The following TENM3 variants were observed in gnomAD, a reference collection of about 807,000 sequenced individuals.
TENM3 encodes teneurin-3.
Under a neutral mutation model 255.1 loss-of-function variants are expected in TENM3, and 63 were observed. That is an observed-to-expected ratio of 0.25 (90% confidence interval 0.20 to 0.30). The LOEUF is 0.30. TENM3 is among the 10% of genes least tolerant of loss of function. The pLI, the probability that TENM3 is intolerant of heterozygous loss-of-function variation, is 1.00. For synonymous variants in TENM3, 1,306 were observed against 1,322.3 expected (o/e 0.99, Z 0.27); for missense variants, 2,929 against 3,461.1 (o/e 0.85, Z 3.86).
At chr4:182,125,769 T>C in the TENM3 span, among the ~76,000 whole-genome samples, 1 of 36,846 alleles carries the variant, frequency 2.7e-5, no homozygotes, top group Non-Finnish European at 4.8e-5. Flanking sequence ...TTTCCTTGCC[T>C]TTTTTTTTTT....
intron 3 of TENM3, among the ~76,000 whole-genome samples, chr4:182,356,444 G>C (rs768352923): frequency 2.6e-5 from 4 of 152,148 alleles, no homozygotes; most frequent in African/African-American, 7.2e-5. Flanking sequence ...AGCAACTGGA[G>C]ATTATTCTCT....
chr4:182,145,828 A>G (rs1749925878), intron 1 of TENM3, among the ~76,000 whole-genome samples: 1 of 152,208 alleles, frequency 6.6e-6, no homozygotes, highest in South Asian at 2.1e-4. Context: ...TCTTCTGACA[A>G]TGTATTTTGT....
At chr4:182,769,779 G>A (rs1443426214) in intron 22 of TENM3, among the ~76,000 whole-genome samples, 1 of 146,676 alleles carries the variant, frequency 6.8e-6, no homozygotes, top group African/African-American at 2.6e-5. Context: ...GCAAGACTCT[G>A]TCTCAAAAAA....
intron 5 of TENM3, among the ~76,000 whole-genome samples, chr4:182,634,900 A>G (rs940943725): frequency 6.6e-6 from 1 of 152,188 alleles, no homozygotes; most frequent in Admixed American, 6.5e-5. Flanking sequence ...TGTTATACAC[A>G]TAGAAAAATG....
chr4:182,765,692 G>A (rs952246577), intron 22 of TENM3, among the ~76,000 whole-genome samples: 7 of 152,048 alleles, frequency 4.6e-5, no homozygotes, highest in African/African-American at 7.2e-5. Context: ...GGTTCCGGTC[G>A]CGATTGTGTC....
At chr4:181,890,555 G>T in the TENM3 span, among the ~76,000 whole-genome samples, 2 of 152,044 alleles carry the variant, frequency 1.3e-5, no homozygotes, top group African/African-American at 4.8e-5. Context: ...AATATTCATT[G>T]TGGGCTTTTA....
chr4:182,406,713 G>A (rs971558948), intron 3 of TENM3, among the ~76,000 whole-genome samples: 3 of 152,110 alleles, frequency 2.0e-5, no homozygotes, highest in Non-Finnish European at 4.4e-5. Context: ...ACTCCTTCAC[G>A]TGTATCTGCT....
chr4:182,436,335 C>T (rs28469061), intron 3 of TENM3, among the ~76,000 whole-genome samples: 2,639 of 152,260 alleles, frequency 0.017, 80 homozygotes, highest in African/African-American at 0.059. Context: ...GGATTCACAA[C>T]GACTGCAGCT....
intron 3 of TENM3, among the ~76,000 whole-genome samples, chr4:182,383,096 C>G (rs138158134): frequency 6.6e-6 from 1 of 152,074 alleles, no homozygotes; most frequent in Non-Finnish European, 1.5e-5. Flanking sequence ...AATTATGGAA[C>G]GAGTGGGGAT....
At chr4:182,713,961 A>G (rs1758949638) in intron 12 of TENM3, 126 bp from the exon 13 acceptor site, 1 of 709,102 alleles carries the variant, frequency 1.4e-6, no homozygotes, top group Non-Finnish European at 2.4e-6. Flanking sequence ...GTTTCTATCC[A>G]TGTGCAATTA....
intron 1 of TENM3, among the ~76,000 whole-genome samples, chr4:182,285,820 T>C (rs900535031): frequency 6.6e-5 from 10 of 151,762 alleles, no homozygotes; most frequent in Non-Finnish European, 4.4e-5. Context: ...TTTTCAGAGA[T>C]GGACCAAGGC....
chr4:182,737,070 C>T lies in TENM3; in HGVS notation c.3230C>T (p.Ala1077Val). Residue 1077 changes from alanine (A) to valine (V), a missense_variant, in exon 17 of 28, where the codon GCT becomes GTT. Coordinates refer to ENST00000511685, the MANE Select transcript of TENM3 (RefSeq NM_001080477.4). Reference sequence around the variant, plus strand: ...CAGAAAGTCTATGGTCTATCTGAAGCTGTTGGTAAGTTCCATATAAATCTT... The same window carrying T: ...CAGAAAGTCTATGGTCTATCTGAAGTTGTTGGTAAGTTCCATATAAATCTT... Reference protein sequence around the residue: ...YNQKVYGLSEAVVSVGYEYES... With the variant: ...YNQKVYGLSEVVVSVGYEYES... 1 of 1,612,236 alleles carries T rather than the reference C, an allele frequency of 6.2e-7. No individual in the cohort carries two copies. The highest frequency in any genetic ancestry group is 8.5e-7 in the Non-Finnish European group (1 of 1,179,114).
chr4:182,545,638 C>T lies in TENM3; in HGVS notation c.512-55286C>T, dbSNP rs571160405. ...TGGAACGTGCCACAGTCTCCCTCCC[C>T]GGTGGTATTACACAGTCAGTTCCCT... On this transcript the variant is annotated intron_variant, in intron 3 of 27. Coordinates refer to ENST00000511685, the MANE Select transcript of TENM3 (RefSeq NM_001080477.4). Among the ~76,000 whole-genome samples the T allele has an allele frequency of 4.6e-5, 7 of 152,160 alleles. No homozygotes were observed. The South Asian group carries it at 6.2e-4, about 14-fold the overall frequency.
At chr4:181,927,117 G>GT in the TENM3 span, among the ~76,000 whole-genome samples, 2 of 152,150 alleles carry the variant, frequency 1.3e-5, no homozygotes, top group Admixed American at 1.3e-4. Flanking sequence ...AGCTGCAGGA[G>GT]TTTTTTTCAT....
At chr4:181,984,789 CGTGTGTGTGTGTGT>C in the TENM3 span, among the ~76,000 whole-genome samples, 951 of 138,564 alleles carry the variant, frequency 6.9e-3, 9 homozygotes, top group East Asian at 0.052. Context: ...CTAAAAGAGT[CGTGTGTGTGTGTGT>C]GTGTGTGTGT....
At chr4:182,794,024 A>G (rs1165353685) in intron 26 of TENM3, 139 bp downstream of exon 26, 1 of 735,932 alleles carries the variant, frequency 1.4e-6, no homozygotes, top group Non-Finnish European at 2.2e-6. Flanking sequence ...AAATGTGTTT[A>G]TTTCTTTATG....
intron 12 of TENM3, among the ~76,000 whole-genome samples, chr4:182,692,025 C>T (rs1201431345): frequency 6.6e-6 from 1 of 152,102 alleles, no homozygotes; most frequent in Non-Finnish European, 1.5e-5. Flanking sequence ...TTAGAGGATT[C>T]AGAGACAAGT....
At chr4:182,591,507 T>C (rs1746647803) in intron 3 of TENM3, among the ~76,000 whole-genome samples, 1 of 152,220 alleles carries the variant, frequency 6.6e-6, no homozygotes, top group East Asian at 1.9e-4. Context: ...GATGAAGGTC[T>C]TAAGAACAAT....
At chr4:182,353,023 C>G (rs754757127) in intron 3 of TENM3, among the ~76,000 whole-genome samples, 1 of 152,184 alleles carries the variant, frequency 6.6e-6, no homozygotes, top group Non-Finnish European at 1.5e-5. Context: ...TTGAGAGAAA[C>G]TGCTAGCCAG....
Sources: gnomAD v4.1 joint callset for allele counts (sites outside exome capture counted in the v4.1 genomes callset) on GRCh38, gnomAD v4.1.1 for gene constraint, MANE v1.5 for transcripts, NCBI Gene and HGNC (gene_info 2026-07-23, HGNC 2026-07-21) for gene names.